Variants in KCNH7 observed in about 807,000 individuals in gnomAD.
KCNH7 encodes the protein potassium voltage-gated channel subfamily H member 7.
Under a neutral mutation model 120.8 loss-of-function variants are expected in KCNH7, and 49 were observed. The observed-to-expected ratio is 0.41, with a 90% CI of 0.32 to 0.51. The LOEUF is 0.51. Ranked by LOEUF, KCNH7 falls within the 20% of genes least tolerant of loss-of-function variation. KCNH7 has a pLI of 0.38. For missense variants in KCNH7, 1,097 were observed against 1,446.6 expected (o/e 0.76, Z 3.92); for synonymous variants, 547 against 516.1 (o/e 1.06, Z -0.81).
chr2:162,596,339 T>C lies in KCNH7; in HGVS notation c.308-59259A>G, dbSNP rs545780355. On this transcript the variant is annotated intron_variant, in intron 2 of 15. Transcript: ENST00000332142. ...TTATAGCAATTAAAGCAGCATGGTA[T>C]TGGCAAAACAACAGACAAATCAACT... Among the ~76,000 whole-genome samples the C allele has an allele frequency of 5.3e-5, 8 of 152,128 alleles. No individual in the cohort carries two copies. The South Asian group carries it at 1.5e-3, about 28-fold the overall frequency.
intron 2 of KCNH7, among the ~76,000 whole-genome samples, chr2:162,621,195 A>G (rs1249348176): frequency 2.0e-5 from 2 of 98,206 alleles, no homozygotes; most frequent in Non-Finnish European, 4.2e-5. Flanking sequence ...CTTTAATTTT[A>G]TTTTGTGATT....
intron 2 of KCNH7, among the ~76,000 whole-genome samples, chr2:162,811,743 G>T (rs1159415381): frequency 1.3e-5 from 2 of 152,112 alleles, no homozygotes. Flanking sequence ...GAGGAATTGG[G>T]TATTTTTAAG....
intron 2 of KCNH7, among the ~76,000 whole-genome samples, chr2:162,593,994 T>A (rs1694295568): frequency 6.6e-6 from 1 of 152,038 alleles, no homozygotes; most frequent in Admixed American, 6.6e-5. Flanking sequence ...ATTAGTAACA[T>A]CACTTTGTGC....
At chr2:162,766,973 T>TAA (rs11446561) in intron 2 of KCNH7, among the ~76,000 whole-genome samples, 1 of 151,602 alleles carries the variant, frequency 6.6e-6, no homozygotes, top group African/African-American at 2.4e-5. Flanking sequence ...TTTCTGGCTT[T>TAA]AAAAAAATTT....
At chr2:162,505,766 G>C (rs1558983132) in intron 5 of KCNH7, among the ~76,000 whole-genome samples, 1 of 151,846 alleles carries the variant, frequency 6.6e-6, no homozygotes, top group Non-Finnish European at 1.5e-5. Context: ...CAATAAACTT[G>C]TTAGGCAGCA....
intron 2 of KCNH7, among the ~76,000 whole-genome samples, chr2:162,592,191 C>T (rs2105935267): frequency 6.6e-6 from 1 of 152,166 alleles, no homozygotes; most frequent in African/African-American, 2.4e-5. Context: ...CAGAGTTGTG[C>T]TGAGTTTCCT....
intron 2 of KCNH7, among the ~76,000 whole-genome samples, chr2:162,633,745 G>A (rs76405782): frequency 0.041 from 6,184 of 151,650 alleles, 236 homozygotes; most frequent in East Asian, 0.12. Flanking sequence ...GTCTATTCTC[G>A]TACCTACATT....
At chr2:162,741,501 T>C (rs1009407165) in intron 2 of KCNH7, among the ~76,000 whole-genome samples, 1 of 152,028 alleles carries the variant, frequency 6.6e-6, no homozygotes, top group African/African-American at 2.4e-5. Flanking sequence ...TGTTACATGC[T>C]ATGTGCTACA....
intron 9 of KCNH7, among the ~76,000 whole-genome samples, chr2:162,412,116 C>A (rs1687409061): frequency 6.6e-6 from 1 of 151,918 alleles, no homozygotes; most frequent in Admixed American, 6.6e-5. Context: ...AAAACAAATT[C>A]TATCAGAATT....
rs1019306743 is a variant in KCNH7, at chr2:162,371,936, A to G, written c.3484T>C (p.Tyr1162His). Residue 1162 changes from tyrosine to histidine, a missense_variant, in exon 16 of 16, where the codon TAC becomes CAC. Transcript: ENST00000332142. ...LELHLRQRKT[Y>H]VHPIRHPSLP... ...GAAGGATGCCTAATTGGATGAACGT[A>G]AGTTTTTCTTTGCCGCAGGTGAAGC... The G allele has an allele frequency of 3.7e-6, 6 of 1,613,786 alleles. No individual in the cohort carries two copies. The highest frequency in any genetic ancestry group is 1.3e-5 in the African/African-American group (1 of 74,914).
At chr2:162,820,398 C>G (rs558058129) in intron 2 of KCNH7, among the ~76,000 whole-genome samples, 2 of 152,080 alleles carry the variant, frequency 1.3e-5, no homozygotes, top group East Asian at 3.9e-4. Context: ...TTTCACTGAA[C>G]AAATACAAAA....
At position 162,741,434 on chromosome 2, in the gene KCNH7, T is replaced by C. The variant is rs148368258; in HGVS notation, c.307+95103A>G. 1.2e-3 allele frequency among the ~76,000 whole-genome samples: 189 copies of C among 151,828 alleles called. 1 individual carries two copies. The highest frequency in any genetic ancestry group is 4.3e-3 in the African/African-American group (180 of 41,482). On this transcript the variant is annotated intron_variant, in intron 2 of 15. Coordinates refer to ENST00000332142, the MANE Select transcript of KCNH7 (RefSeq NM_033272.4). ...CATTTTGTAATAGAGTTGTCATGTA[T>C]ATTTTACATTATTATACTATACAAT...
At chr2:162,762,688 A>G (rs1293694411) in intron 2 of KCNH7, among the ~76,000 whole-genome samples, 2 of 152,056 alleles carry the variant, frequency 1.3e-5, no homozygotes, top group Non-Finnish European at 1.5e-5. Context: ...AGCCATAAAA[A>G]TTGGATTTTA....
intron 3 of KCNH7, among the ~76,000 whole-genome samples, chr2:162,521,824 G>A (rs1691535983): frequency 6.6e-6 from 1 of 151,590 alleles, no homozygotes; most frequent in Non-Finnish European, 1.5e-5. Context: ...TTGCTCTAAA[G>A]TGCTACCAAA....
intron 5 of KCNH7, among the ~76,000 whole-genome samples, chr2:162,508,058 CT>C (rs910964494): frequency 6.6e-6 from 1 of 151,410 alleles, no homozygotes; most frequent in African/African-American, 2.4e-5. Context: ...AACTGTTTTT[CT>C]TTTATTTCTC....
chr2:162,696,689 C>T (rs1251420696), intron 2 of KCNH7, among the ~76,000 whole-genome samples: 3 of 151,824 alleles, frequency 2.0e-5, no homozygotes, highest in Admixed American at 6.6e-5. Context: ...GCAAGGTCAA[C>T]ATAAATGAGT....
intron 6 of KCNH7, among the ~76,000 whole-genome samples, chr2:162,471,195 T>C (rs1689513143): frequency 6.7e-6 from 1 of 149,580 alleles, no homozygotes; most frequent in Non-Finnish European, 1.5e-5. Context: ...TATTGTCCTA[T>C]GACCCTGCCA....
chr2:162,627,497 G>T (rs926280429), intron 2 of KCNH7, among the ~76,000 whole-genome samples: 1 of 152,132 alleles, frequency 6.6e-6, no homozygotes, highest in Non-Finnish European at 1.5e-5. Context: ...ATTTGCTTAT[G>T]CATAATAAAT....
intron 2 of KCNH7, among the ~76,000 whole-genome samples, chr2:162,726,735 A>G (rs1304956370): frequency 1.3e-5 from 2 of 152,058 alleles, no homozygotes; most frequent in African/African-American, 4.8e-5. Flanking sequence ...TTCTTTTTTA[A>G]TGGTCAAATT....
Sources: allele counts gnomAD v4.1 joint callset (sites outside exome capture counted in the v4.1 genomes callset), GRCh38; gene constraint gnomAD v4.1.1; transcripts MANE v1.5; gene names NCBI Gene and HGNC (gene_info 2026-07-23, HGNC 2026-07-21).